Variants in COX5A observed in about 807,000 individuals in gnomAD.
The protein encoded by COX5A is cytochrome c oxidase subunit 5A.
COX5A carries 6 observed loss-of-function variants against 16.1 expected under a neutral mutation model. The observed-to-expected ratio is 0.37, with a 90% CI of 0.20 to 0.73. COX5A has a LOEUF of 0.73. Ranked by LOEUF, COX5A falls within the 30% of genes least tolerant of loss-of-function variation. The pLI is 0.50. For synonymous variants in COX5A, 73 were observed against 73.8 expected, an observed-to-expected ratio of 0.99 and a Z score of 0.06; for missense variants, 159 against 194.9, an observed-to-expected ratio of 0.82 and a Z score of 1.10.
At position 74,923,671 on chromosome 15, in the gene COX5A, G is replaced by C. The variant is rs757003847; in HGVS notation, c.439C>G (p.Leu147Val). ...LGISTPEELG[L>V]DKV ...ACCCATGCGGTTTACACTTTGTCAA[G>C]GCCCAGTTCCTCCGGAGTGGAGATT... is the stretch of plus-strand genomic sequence containing the variant. Residue 147 changes from leucine (L) to valine (V), a missense_variant, in exon 4 of 5, where the codon CTT (leucine) becomes GTT (valine). By Grantham distance (32) the Leu-to-Val change is conservative (BLOSUM62 1). Transcript: ENST00000322347. 7 of 1,609,342 alleles carry C rather than the reference G, an allele frequency of 4.3e-6. No homozygotes were observed. Among genetic ancestry groups the C allele is most frequent in the Non-Finnish European group, 5.1e-6 (6 of 1,177,442 alleles).
intron 4 of COX5A, among the ~76,000 whole-genome samples, chr15:74,922,855 A>G (rs970246852): frequency 6.6e-6 from 1 of 151,650 alleles, no homozygotes; most frequent in African/African-American, 2.4e-5. Flanking sequence ...TAGTAGAGAC[A>G]AGGTTTCACC....
chr15:74,937,575 G>A, intron 1 of COX5A: 1 of 213,418 alleles, frequency 4.7e-6, no homozygotes, highest in Non-Finnish European at 9.3e-6. Flanking sequence ...GCCGGCGGCG[G>A]CCACTCTCGG....
At chr15:74,927,326 G>A (rs142102332) in intron 2 of COX5A, among the ~76,000 whole-genome samples, 1 of 152,084 alleles carries the variant, frequency 6.6e-6, no homozygotes, top group African/African-American at 2.4e-5. Flanking sequence ...ACAGGCGGGT[G>A]CCACCAAGCC....
In COX5A at chr15:74,937,939, C is replaced by A; in HGVS notation, c.76G>T (p.Ala26Ser). The change falls in exon 1 of 5, where the codon GCC (alanine) becomes TCC (serine). Residue 26 changes from alanine (A) to serine (S), a missense_variant. Transcript: ENST00000322347. ...CCCACGGCGGGGCCGGGGGTCCGGG[C>A]GGAGTGCAGGAGGCCTCGAGGGTCG... ...RADPRGLLHSARTPGPAVAIQ... is the reference protein window; with the variant it reads ...RADPRGLLHSSRTPGPAVAIQ... 1 of 1,232,296 alleles carries A rather than the reference C, an allele frequency of 8.1e-7. No homozygotes were observed. Among genetic ancestry groups the A allele is most frequent in the Non-Finnish European group, 1.0e-6 (1 of 987,182 alleles). 76.3% of individuals were successfully genotyped at this position (1,232,296 alleles called of 1,614,324 possible).
intron 1 of COX5A, among the ~76,000 whole-genome samples, chr15:74,936,043 C>T (rs1220698484): frequency 6.6e-6 from 1 of 152,014 alleles, no homozygotes. Context: ...GTAATCCCAG[C>T]ACTTTGGGAG....
chr15:74,927,365 C>T (rs900877639), intron 2 of COX5A, among the ~76,000 whole-genome samples: 2 of 151,822 alleles, frequency 1.3e-5, no homozygotes, highest in Non-Finnish European at 2.9e-5. Flanking sequence ...TTAGTAGAGA[C>T]GGGGTTTCAG....
intron 1 of COX5A, among the ~76,000 whole-genome samples, chr15:74,934,533 G>A (rs886605361): frequency 5.9e-5 from 9 of 151,888 alleles, no homozygotes; most frequent in Non-Finnish European, 1.0e-4. Context: ...GGGTTTCACC[G>A]CGTTAGCCAG....
In COX5A at chr15:74,937,977, G is replaced by A; in HGVS notation, c.38C>T (p.Ala13Val). Residue 13 changes from alanine to valine, a missense_variant, in exon 1 of 5, where the codon GCA (alanine) becomes GTA (valine). Transcript: ENST00000322347. The stretch of plus-strand genomic sequence containing the variant: ...GCCTCGAGGGTCGGCCCGGGTGGTT[G>A]CGGCCACAGCGCAGCGGCGGAGAGC... ...GAALRRCAVA[A>V]TTRADPRGLL... 2 of 1,232,816 alleles carry A rather than the reference G, an allele frequency of 1.6e-6. No individual in the cohort carries two copies. Among genetic ancestry groups the A allele is most frequent in the Non-Finnish European group, 2.0e-6 (2 of 988,176 alleles). 76.4% of individuals were successfully genotyped at this position (1,232,816 alleles called of 1,614,324 possible).
chr15:74,936,148 G>C (rs367662250), intron 1 of COX5A, among the ~76,000 whole-genome samples: 1 of 151,848 alleles, frequency 6.6e-6, no homozygotes, highest in Non-Finnish European at 1.5e-5. Flanking sequence ...AAAAGTAGCC[G>C]GGCATGGTGG....
In COX5A at chr15:74,921,726, T is replaced by C. The variant is rs367885543; in HGVS notation, c.*10-1284A>G. 3.9e-5 allele frequency among the ~76,000 whole-genome samples: 6 copies of C among 152,310 alleles called. No homozygotes were observed. The East Asian group carries it at 1.2e-3, about 29-fold the overall frequency. Reference sequence around the variant, plus strand: ...GCCTGGGCGACAGAGTGAGACTCCGTCTCAAAACAACAACAAAAAACAAAC... The same window carrying C: ...GCCTGGGCGACAGAGTGAGACTCCGCCTCAAAACAACAACAAAAAACAAAC... On this transcript the variant is annotated intron_variant, in intron 4 of 4. Coordinates refer to ENST00000322347, the MANE Select transcript of COX5A (RefSeq NM_004255.4).
In COX5A at chr15:74,920,436, A is replaced by G; in HGVS notation, c.*16T>C. The G allele has an allele frequency of 2.9e-6, 2 of 692,748 alleles. No individual in the cohort carries two copies. The highest frequency in any genetic ancestry group is 2.1e-5 in the Admixed American group (1 of 47,068). 42.9% of individuals were successfully genotyped at this position (692,748 alleles called of 1,614,324 possible). Reference sequence around the variant, plus strand: ...AGCAATGTCAATAAATCCTTGGGGAAGCCCATCTGTAAGAGAAAACACAAA... The same window carrying G: ...AGCAATGTCAATAAATCCTTGGGGAGGCCCATCTGTAAGAGAAAACACAAA... On this transcript the variant is annotated 3_prime_UTR_variant, in exon 5 of 5. Transcript: ENST00000322347.
At chr15:74,927,565 G>A (rs540603996) in intron 2 of COX5A, among the ~76,000 whole-genome samples, 2 of 151,898 alleles carry the variant, frequency 1.3e-5, no homozygotes, top group Admixed American at 1.3e-4. Flanking sequence ...CTGAGGTCAG[G>A]GGTTCAAGAC....
At chr15:74,924,469 T>A (rs565316892) in intron 3 of COX5A, among the ~76,000 whole-genome samples, 1 of 152,132 alleles carries the variant, frequency 6.6e-6, no homozygotes, top group Admixed American at 6.6e-5. Flanking sequence ...TGCAGTGAGC[T>A]GAGATCATGA....
At chr15:74,933,897 C>A (rs2065377722) in intron 1 of COX5A, among the ~76,000 whole-genome samples, 1 of 152,176 alleles carries the variant, frequency 6.6e-6, no homozygotes, top group African/African-American at 2.4e-5. Context: ...AAGATGACCA[C>A]CAACAGCAAA....
At chr15:74,935,869 C>A (rs1057068919) in intron 1 of COX5A, among the ~76,000 whole-genome samples, 1 of 151,188 alleles carries the variant, frequency 6.6e-6, no homozygotes, top group South Asian at 2.2e-4. Flanking sequence ...GGATTACAGG[C>A]GTGAGCCACC....
chr15:74,927,729 G>A (rs960241806), intron 2 of COX5A, among the ~76,000 whole-genome samples: 75 of 152,050 alleles, frequency 4.9e-4, no homozygotes, highest in African/African-American at 1.6e-3. Context: ...CTGAGATCGC[G>A]CCATTGCACT....
Position 74,923,713 on chromosome 15 carries a change from T to C in COX5A, c.397A>G (p.Thr133Ala). 2 of 1,611,934 alleles carry C rather than the reference T, an allele frequency of 1.2e-6. No homozygotes were observed. Among genetic ancestry groups the C allele is most frequent in the Non-Finnish European group, 1.7e-6 (2 of 1,179,760 alleles). Reference protein sequence around the residue: ...YPYVIQELRPTLNELGISTPE... With the variant: ...YPYVIQELRPALNELGISTPE... Reference sequence around the variant, plus strand: ...GTGGAGATTCCCAGTTCATTTAAAGTTGGTCTAAGTTCCTGGATGACATAG... The same window carrying C: ...GTGGAGATTCCCAGTTCATTTAAAGCTGGTCTAAGTTCCTGGATGACATAG... The change falls in exon 4 of 5, where the codon ACT (threonine) becomes GCT (alanine). Residue 133 changes from threonine (T) to alanine (A), a missense_variant. Physicochemically the swap from Thr to Ala is moderately conservative, Grantham distance 58. Transcript: ENST00000322347.
intron 2 of COX5A, among the ~76,000 whole-genome samples, chr15:74,928,539 C>A (rs1038446635): frequency 6.6e-6 from 1 of 152,238 alleles, no homozygotes; most frequent in African/African-American, 2.4e-5. Flanking sequence ...CGCCCGCCAC[C>A]ACGTCCGGCT....
intron 3 of COX5A, among the ~76,000 whole-genome samples, chr15:74,923,976 T>TC (rs1403815957): frequency 9.2e-5 from 14 of 151,588 alleles, no homozygotes; most frequent in African/African-American, 2.9e-4. Flanking sequence ...GGTCAGGAGT[T>TC]CGAGACCAGC....
Sources: gnomAD v4.1 joint callset for allele counts (sites outside exome capture counted in the v4.1 genomes callset) on GRCh38, gnomAD v4.1.1 for gene constraint, MANE v1.5 for transcripts, NCBI Gene and HGNC (gene_info 2026-07-23, HGNC 2026-07-21) for gene names.